CNTN6: variants seen among roughly 807,000 people sequenced by gnomAD.
The protein encoded by CNTN6 is contactin-6.
Under a neutral mutation model 122.8 loss-of-function variants are expected in CNTN6, and 137 were observed. The observed-to-expected ratio is 1.12, with a 90% confidence interval of 0.97 to 1.29. CNTN6 has a LOEUF of 1.29. CNTN6 is among the 50% of genes most tolerant of loss of function. The probability of loss-of-function intolerance (pLI) is 0.00; values close to 1 mark genes in which losing one functional copy is unlikely to be tolerated. For missense variants in CNTN6, 1,634 were observed against 1,223.4 expected (o/e 1.34, Z -5.01); for synonymous variants, 570 against 426.0 (o/e 1.34, Z -4.16).
At chr3:1,357,404 T>C (rs1456916581) in intron 12 of CNTN6, among the ~76,000 whole-genome samples, 1 of 151,914 alleles carries the variant, frequency 6.6e-6, no homozygotes, top group African/African-American at 2.4e-5. Flanking sequence ...TTTATTATTA[T>C]TATTCATTAC....
At chr3:1,342,024 A>G (rs1025952111) in intron 11 of CNTN6, among the ~76,000 whole-genome samples, 7 of 152,170 alleles carry the variant, frequency 4.6e-5, no homozygotes, top group Non-Finnish European at 1.0e-4. Flanking sequence ...AGTTAATGGG[A>G]AGTATATCCT....
At chr3:1,304,163 C>T (rs61441657) in intron 7 of CNTN6, among the ~76,000 whole-genome samples, 13,050 of 152,194 alleles carry the variant, frequency 0.086, 597 homozygotes, top group East Asian at 0.16. Flanking sequence ...TACCTACTCC[C>T]TGATCTGGAT....
chr3:1,183,504 T>C (rs570329926), intron 2 of CNTN6, among the ~76,000 whole-genome samples: 7 of 152,236 alleles, frequency 4.6e-5, no homozygotes, highest in Admixed American at 1.3e-4. Flanking sequence ...CAGTATTCAA[T>C]TGATTGCACA....
chr3:1,106,000 G>T (rs1170488143), intron 1 of CNTN6, among the ~76,000 whole-genome samples: 1 of 152,088 alleles, frequency 6.6e-6, no homozygotes, highest in Non-Finnish European at 1.5e-5. Flanking sequence ...TCCACTCCAT[G>T]ATGAAGCAGT....
chr3:1,381,245 C>T (rs1034448658), intron 17 of CNTN6, among the ~76,000 whole-genome samples: 2 of 152,194 alleles, frequency 1.3e-5, no homozygotes, highest in African/African-American at 4.8e-5. Context: ...TTATAAATCT[C>T]TTCCATGCCA....
intron 4 of CNTN6, among the ~76,000 whole-genome samples, chr3:1,269,343 G>T (rs2094983642): frequency 6.6e-6 from 1 of 152,154 alleles, no homozygotes; most frequent in African/African-American, 2.4e-5. Flanking sequence ...TCGTTAGTGG[G>T]TTATTTAATC....
chr3:1,314,061 G>A (rs1699769920), intron 7 of CNTN6, among the ~76,000 whole-genome samples: 1 of 151,960 alleles, frequency 6.6e-6, no homozygotes, highest in South Asian at 2.1e-4. Flanking sequence ...TCCTAGTAGG[G>A]ACTGACTGCA....
At chr3:1,276,963 G>A (rs190943375) in intron 4 of CNTN6, among the ~76,000 whole-genome samples, 52 of 152,282 alleles carry the variant, frequency 3.4e-4, no homozygotes, top group Admixed American at 3.4e-3. Context: ...ATTTAGGTGG[G>A]TGTGGTGGTA....
chr3:1,297,307 G>C (rs1575596764), intron 6 of CNTN6, among the ~76,000 whole-genome samples: 1 of 152,012 alleles, frequency 6.6e-6, no homozygotes, highest in African/African-American at 2.4e-5. Flanking sequence ...AATTAATTAA[G>C]TTAATGAGAA....
intron 12 of CNTN6, among the ~76,000 whole-genome samples, chr3:1,363,952 A>C (rs1442563211): frequency 6.6e-6 from 1 of 151,926 alleles, no homozygotes; most frequent in Non-Finnish European, 1.5e-5. Context: ...AGCCATCCTA[A>C]CAGGTGTGAT....
intron 17 of CNTN6, among the ~76,000 whole-genome samples, chr3:1,380,743 T>C (rs1474738781): frequency 6.6e-6 from 1 of 152,190 alleles, no homozygotes; most frequent in Non-Finnish European, 1.5e-5. Flanking sequence ...TCAAAACCTT[T>C]ATTTTCAAAA....
chr3:1,373,856 T>A (rs1013593206), intron 15 of CNTN6, 68 bp from the exon 16 acceptor site: 1 of 1,469,516 alleles, frequency 6.8e-7, no homozygotes, highest in African/African-American at 1.4e-5. Context: ...AATAATTATA[T>A]AATTTTGTAC....
At chr3:1,111,861 G>A (rs1044710736) in intron 1 of CNTN6, among the ~76,000 whole-genome samples, 2 of 152,100 alleles carry the variant, frequency 1.3e-5, no homozygotes, top group Non-Finnish European at 2.9e-5. Flanking sequence ...TAGTATGCTT[G>A]TTGTAAGTAG....
At chr3:1,211,163 G>A (rs990011030) in intron 2 of CNTN6, among the ~76,000 whole-genome samples, 2 of 152,176 alleles carry the variant, frequency 1.3e-5, no homozygotes, top group Non-Finnish European at 2.9e-5. Flanking sequence ...CAGGAGCCAC[G>A]GTGGGGAAAT....
intron 4 of CNTN6, among the ~76,000 whole-genome samples, chr3:1,232,729 G>A (rs2094368363): frequency 6.6e-6 from 1 of 152,198 alleles, no homozygotes; most frequent in African/African-American, 2.4e-5. Context: ...AACATCAAGT[G>A]AAGTGAGAAA....
chr3:1,263,754 T>C (rs1335800209), intron 4 of CNTN6, among the ~76,000 whole-genome samples: 2 of 152,082 alleles, frequency 1.3e-5, no homozygotes, highest in African/African-American at 4.8e-5. Flanking sequence ...GTCCCTGTTT[T>C]CGTGAAGCTT....
intron 2 of CNTN6, among the ~76,000 whole-genome samples, chr3:1,150,321 A>C (rs2092812552): frequency 6.6e-6 from 1 of 152,208 alleles, no homozygotes; most frequent in Admixed American, 6.5e-5. Context: ...AATGCCAGCA[A>C]ATCTTTCACA....
At position 1,295,810 on chromosome 3, in the gene CNTN6, A is replaced by T. The variant is rs1405211237; in HGVS notation, c.658+6A>T. ...ATTAGTGCAGCGCACTGATGGTAAG[A>T]TAATGAGTTATCTTGGGAATGTACT... On this transcript the variant is annotated splice_donor_region_variant and intron_variant, in intron 6 of 22. Coordinates refer to ENST00000446702, the MANE Select transcript of CNTN6 (RefSeq NM_001289080.2). The T allele has an allele frequency of 6.2e-6, 10 of 1,610,034 alleles. No homozygotes were observed. The highest frequency in any genetic ancestry group is 8.5e-6 in the Non-Finnish European group (10 of 1,176,614).
chr3:1,276,126 T>G (rs1692308144), intron 4 of CNTN6, among the ~76,000 whole-genome samples: 1 of 152,234 alleles, frequency 6.6e-6, no homozygotes, highest in South Asian at 2.1e-4. Context: ...AAGACAGATG[T>G]AAGTAAAGAT....
Sources: gnomAD v4.1 joint callset for allele counts (sites outside exome capture counted in the v4.1 genomes callset) on GRCh38, gnomAD v4.1.1 for gene constraint, MANE v1.5 for transcripts, NCBI Gene and HGNC (gene_info 2026-07-23, HGNC 2026-07-21) for gene names.